MAP3K4: variants seen among roughly 807,000 people sequenced by gnomAD.
MAP3K4 encodes MAP three kinase 1.
MAP3K4 carries 67 observed loss-of-function variants against 185.6 expected under a neutral mutation model. The observed-to-expected ratio is 0.36, with a 90% CI of 0.30 to 0.44. The LOEUF is 0.44. MAP3K4 is among the 20% of genes least tolerant of loss of function. The pLI is 1.00. For missense variants in MAP3K4, 1,551 were observed against 1,995.1 expected (o/e 0.78, Z 4.24); for synonymous variants, 702 against 710.4 (o/e 0.99, Z 0.19).
intron 1 of MAP3K4, among the ~76,000 whole-genome samples, chr6:161,010,723 T>C (rs1562479315): frequency 1.3e-5 from 2 of 152,204 alleles, no homozygotes; most frequent in Admixed American, 6.5e-5. Context: ...ATTTAAGAAG[T>C]TTAAAGAAGA....
Position 161,063,905 on chromosome 6 carries a change from A to G in MAP3K4, c.1708-6703A>G, listed in dbSNP as rs1208151828. ...CCTCTGCTTCCCTCCGCTAATGCTG[A>G]TACCACATGGCTCTTGGAACTGTTC... On this transcript the variant is annotated intron_variant, in intron 3 of 26. Coordinates refer to ENST00000392142, the MANE Select transcript of MAP3K4 (RefSeq NM_005922.4). This position sits in a 1 kb window ranked among gnomAD's most constrained non-coding sequence, Gnocchi z 5.4. Among the ~76,000 whole-genome samples the G allele has an allele frequency of 2.0e-5, 3 of 152,264 alleles. No homozygotes were observed. The South Asian group carries it at 6.2e-4, about 32-fold the overall frequency.
intron 3 of MAP3K4, among the ~76,000 whole-genome samples, chr6:161,062,436 T>C (rs1784523735): frequency 6.6e-6 from 1 of 152,168 alleles, no homozygotes; most frequent in African/African-American, 2.4e-5. Context: ...GACATGTAGA[T>C]AGAAGTTTCA....
In MAP3K4 at chr6:161,096,726, G is replaced by A. The variant is rs898470353; in HGVS notation, c.3428-354G>A. 8.6e-5 allele frequency: 16 copies of A among 185,368 alleles called. No homozygotes were observed. Among genetic ancestry groups the A allele is most frequent in the South Asian group, 6.0e-4 (5 of 8,306 alleles). The allele number at this position is 185,368 out of a possible 1,614,324, so 11.5% of individuals were successfully genotyped here. A position where few individuals can be genotyped will look rare whatever the true frequency, so the allele number is the denominator to read the frequency against. ...CGCCAGTGACCACAATCTTTTTAAC[G>A]TGTAGACAACATAAAGAACTCCTTT... On this transcript the variant is annotated intron_variant, in intron 15 of 26. Transcript: ENST00000392142. This position sits in a 1 kb window ranked among gnomAD's most constrained non-coding sequence, Gnocchi z 4.9.
At position 161,049,303 on chromosome 6, in the gene MAP3K4, T is replaced by A; in HGVS notation, c.1031T>A (p.Leu344His). The part of the protein sequence containing the change: ...IVGYSTHHEH[L>H]QRQRVSFEQV... ...GGTTACTCAACACATCATGAGCATC[T>A]CCAACGCCAGAGGGTCTCATTTGAG... The change falls in exon 3 of 27, where the codon CTC becomes CAC. Residue 344 changes from leucine (L) to histidine (H), a missense_variant. By Grantham distance (99) the Leu-to-His change is moderately conservative (BLOSUM62 -3). Around this residue, in one of 16 missense-constraint regions of MAP3K4, gnomAD observed 93 missense variants for 96.7 expected, o/e 0.96. Coordinates refer to ENST00000392142, the MANE Select transcript of MAP3K4 (RefSeq NM_005922.4). The surrounding 1 kb of genome is among the most constrained non-coding windows in gnomAD (Gnocchi z 8.4). 1 of 1,614,148 alleles carries A rather than the reference T, an allele frequency of 6.2e-7. No individual in the cohort carries two copies. The highest frequency in any genetic ancestry group is 8.5e-7 in the Non-Finnish European group (1 of 1,180,012).
At chr6:161,083,601 A>C (rs982085693) in intron 6 of MAP3K4, among the ~76,000 whole-genome samples, 1 of 152,104 alleles carries the variant, frequency 6.6e-6, no homozygotes, top group Admixed American at 6.5e-5. Flanking sequence ...ACTACTCTTC[A>C]GATTGGATGA....
In MAP3K4 at chr6:161,071,488, G is replaced by T. The variant is rs1784941469; in HGVS notation, c.1950+638G>T. Among the ~76,000 whole-genome samples, 1 of 152,148 alleles carries T rather than the reference G, an allele frequency of 6.6e-6. No individual in the cohort carries two copies. Among genetic ancestry groups the T allele is most frequent in the African/African-American group, 2.4e-5 (1 of 41,430 alleles). On this transcript the variant is annotated intron_variant, in intron 4 of 26. Transcript: ENST00000392142. This position sits in a 1 kb window ranked among gnomAD's most constrained non-coding sequence, Gnocchi z 4.6. ...CTTGTCCCCAAAAGAAGAAAGGTTGGTATGTTTTTTGTAGACTGTACGTGT... is the reference window on the plus strand; with the variant it reads ...CTTGTCCCCAAAAGAAGAAAGGTTGTTATGTTTTTTGTAGACTGTACGTGT...
Position 161,097,024 on chromosome 6 carries a change from A to T in MAP3K4, c.3428-56A>T. 1 of 1,427,532 alleles carries T rather than the reference A, an allele frequency of 7.0e-7. No homozygotes were observed. Among genetic ancestry groups the T allele is most frequent in the East Asian group, 2.3e-5 (1 of 43,862 alleles). 88.4% of individuals were successfully genotyped at this position (1,427,532 alleles called of 1,614,324 possible). A position where few individuals can be genotyped will look rare whatever the true frequency, so the allele number is the denominator to read the frequency against. On this transcript the variant is annotated intron_variant, in intron 15 of 26. Coordinates refer to ENST00000392142, the MANE Select transcript of MAP3K4 (RefSeq NM_005922.4). This position sits in a 1 kb window ranked among gnomAD's most constrained non-coding sequence, Gnocchi z 4.9. ...ATTTTCCATTTGACTGTTTGGTTTG[A>T]TGATTTTCTGTGGACCATATTAACA...
chr6:161,049,238 A>C lies in MAP3K4; in HGVS notation c.966A>C (p.Val322=). Residue 322 remains valine, a synonymous_variant, in exon 3 of 27, where the codon GTA becomes GTC. Transcript: ENST00000392142. The surrounding 1 kb of genome is among the most constrained non-coding windows in gnomAD (Gnocchi z 8.4). Reference sequence around the variant, plus strand: ...GAGCTGGTTTTAATGGTACTTCAGTAGAAGGGCAGTGCAAAGCCACTCCTG... The same window carrying C: ...GAGCTGGTTTTAATGGTACTTCAGTCGAAGGGCAGTGCAAAGCCACTCCTG... The part of the protein sequence containing the change: ...RDRAGFNGTS[V]EGQCKATPGT... The C allele has an allele frequency of 6.2e-7, 1 of 1,614,202 alleles. No homozygotes were observed. Among genetic ancestry groups the C allele is most frequent in the East Asian group, 2.2e-5 (1 of 44,886 alleles).
intron 1 of MAP3K4, among the ~76,000 whole-genome samples, chr6:161,012,170 A>G (rs568022330): frequency 3.5e-4 from 54 of 152,294 alleles, no homozygotes; most frequent in African/African-American, 5.3e-4. Context: ...TCCAGGCCCA[A>G]TAGTCCTGCT....
rs776343858 is a variant in MAP3K4 at position 161,087,892 on chromosome 6, G to A, written c.2761G>A (p.Glu921Lys). Residue 921 changes from glutamate to lysine, a missense_variant, in exon 10 of 27, where the codon GAG becomes AAG. Physicochemically the swap from Glu to Lys is moderately conservative, Grantham distance 56. Coordinates refer to ENST00000392142, the MANE Select transcript of MAP3K4 (RefSeq NM_005922.4). The surrounding 1 kb of genome is among the most constrained non-coding windows in gnomAD (Gnocchi z 4.9). ...TTCAGAGGACAGCTGGGGCACCTGG[G>A]AGGCACAGCCTGTCAAAGTCGTGCC... is the stretch of plus-strand genomic sequence containing the variant. ...RDSEDSWGTWEAQPVKVVPQV... is the reference protein window; with the variant it reads ...RDSEDSWGTWKAQPVKVVPQV... 1.2e-6 allele frequency: 2 copies of A among 1,614,032 alleles called. No homozygotes were observed. Among genetic ancestry groups the A allele is most frequent in the South Asian group, 1.1e-5 (1 of 91,066 alleles).
chr6:161,066,538 A>G (rs1784723429), intron 3 of MAP3K4, among the ~76,000 whole-genome samples: 1 of 151,036 alleles, frequency 6.6e-6, no homozygotes, highest in Non-Finnish European at 1.5e-5. Context: ...TTAATTTATT[A>G]TTTTCCAGAG....
In MAP3K4 at chr6:161,093,843, T is replaced by C. The variant is rs778639024; in HGVS notation, c.3419T>C (p.Leu1140Ser). Residue 1140 changes from leucine to serine, a missense_variant, in exon 15 of 27, where the codon TTG becomes TCG. Coordinates refer to ENST00000392142, the MANE Select transcript of MAP3K4 (RefSeq NM_005922.4). The surrounding 1 kb of genome is among the most constrained non-coding windows in gnomAD (Gnocchi z 5.2). ...IGKPHSPVTG[L>S]YLAIHRNSPR... ...AAACCACACAGTCCTGTTACAGGTT[T>C]GTACCTTGGTAAGACAGCCGTTAAC... is the stretch of plus-strand genomic sequence containing the variant. 1 of 1,612,184 alleles carries C rather than the reference T, an allele frequency of 6.2e-7. No individual in the cohort carries two copies. The highest frequency in any genetic ancestry group is 8.5e-7 in the Non-Finnish European group (1 of 1,178,644).
At chr6:161,031,849 C>T (rs903811798) in intron 1 of MAP3K4, among the ~76,000 whole-genome samples, 3 of 152,188 alleles carry the variant, frequency 2.0e-5, no homozygotes, top group Non-Finnish European at 2.9e-5. Flanking sequence ...CCCACCAGGA[C>T]GGCTGAGACA....
chr6:161,116,805 A>G lies in MAP3K4; in HGVS notation c.4807-45A>G. 2 of 1,604,210 alleles carry G rather than the reference A, an allele frequency of 1.2e-6. No homozygotes were observed. Among genetic ancestry groups the G allele is most frequent in the Non-Finnish European group, 1.7e-6 (2 of 1,171,264 alleles). On this transcript the variant is annotated intron_variant, in intron 26 of 26. Transcript: ENST00000392142. This position sits in a 1 kb window ranked among gnomAD's most constrained non-coding sequence, Gnocchi z 6.2. The stretch of plus-strand genomic sequence containing the variant: ...TCATACTGCGCGTATGCACAAGCAC[A>G]CACCTGGCTCTGCAAGAGCTCAGCT...
At position 161,093,092 on chromosome 6, in the gene MAP3K4, T is replaced by G. The variant is rs369598349; in HGVS notation, c.3348+36T>G. 8 of 1,407,942 alleles carry G rather than the reference T, an allele frequency of 5.7e-6. No homozygotes were observed. The allele number at this position is 1,407,942 out of a possible 1,614,324, so 87.2% of individuals were successfully genotyped here. A position where few individuals can be genotyped will look rare whatever the true frequency, so the allele number is the denominator to read the frequency against. ...TTCTAAAGTTTTTTTCATTATAAAATAAGCCAGTCACTCCTTATTTTCTGG... is the reference window on the plus strand; with the variant it reads ...TTCTAAAGTTTTTTTCATTATAAAAGAAGCCAGTCACTCCTTATTTTCTGG... On this transcript the variant is annotated intron_variant, in intron 14 of 26. Coordinates refer to ENST00000392142, the MANE Select transcript of MAP3K4 (RefSeq NM_005922.4). The surrounding 1 kb of genome is among the most constrained non-coding windows in gnomAD (Gnocchi z 5.2).
At position 161,093,170 on chromosome 6, in the gene MAP3K4, G is replaced by A; in HGVS notation, c.3348+114G>A. On this transcript the variant is annotated intron_variant, in intron 14 of 26. Coordinates refer to ENST00000392142, the MANE Select transcript of MAP3K4 (RefSeq NM_005922.4). This position sits in a 1 kb window ranked among gnomAD's most constrained non-coding sequence, Gnocchi z 5.2. ...TTTTTTTCATGAGATATTAATCTCA[G>A]CATATCATGTAATGATAATGCTGAG... 1.5e-6 allele frequency: 1 copy of A among 672,414 alleles called. No homozygotes were observed. The highest frequency in any genetic ancestry group is 2.0e-5 in the South Asian group (1 of 51,036). 41.7% of individuals were successfully genotyped at this position (672,414 alleles called of 1,614,324 possible). A position where few individuals can be genotyped will look rare whatever the true frequency, so the allele number is the denominator to read the frequency against.
chr6:161,010,425 T>G (rs1781791583), intron 1 of MAP3K4, among the ~76,000 whole-genome samples: 1 of 152,242 alleles, frequency 6.6e-6, no homozygotes, highest in Non-Finnish European at 1.5e-5. Flanking sequence ...TATTTTAGGC[T>G]AATAAAAGTG....
rs1784756982 is a variant in MAP3K4, at chr6:161,067,321, T to G, written c.1708-3287T>G. The G allele has an allele frequency of 2.6e-6, 1 of 390,416 alleles. No individual in the cohort carries two copies. Among genetic ancestry groups the G allele is most frequent in the South Asian group, 2.0e-5 (1 of 51,006 alleles). The allele number at this position is 390,416 out of a possible 1,614,324, so 24.2% of individuals were successfully genotyped here. A position where few individuals can be genotyped will look rare whatever the true frequency, so the allele number is the denominator to read the frequency against. On this transcript the variant is annotated intron_variant, in intron 3 of 26. Coordinates refer to ENST00000392142, the MANE Select transcript of MAP3K4 (RefSeq NM_005922.4). The surrounding 1 kb of genome is among the most constrained non-coding windows in gnomAD (Gnocchi z 6.3). ...GGTAGGTAAGAGACAAAACGTTACA[T>G]TTTTTTGAATTTCTGATTAGCTTCC...
intron 1 of MAP3K4, among the ~76,000 whole-genome samples, chr6:161,011,410 G>A (rs1400380978): frequency 2.6e-5 from 4 of 152,170 alleles, no homozygotes; most frequent in Non-Finnish European, 5.9e-5. Context: ...TATTTTCAGT[G>A]TCTGAGTGAA....
Sources: allele counts gnomAD v4.1 joint callset (sites outside exome capture counted in the v4.1 genomes callset), GRCh38; gene constraint gnomAD v4.1.1; regional missense constraint gnomAD v4.1.1; non-coding constraint Gnocchi (gnomAD v3.1); transcripts MANE v1.5; gene names NCBI Gene and HGNC (gene_info 2026-07-23, HGNC 2026-07-21).